The following CDH3 variants were observed in gnomAD, a reference collection of about 807,000 sequenced individuals.
CDH3 encodes cadherin-3.
CDH3 carries 54 observed loss-of-function variants against 82.0 expected under a neutral mutation model. That is an observed-to-expected ratio of 0.66 (90% CI 0.53 to 0.83). CDH3 has a LOEUF of 0.83. Ranked by LOEUF, CDH3 falls within the 40% of genes least tolerant of loss-of-function variation. The pLI is 0.00. For synonymous variants in CDH3, 446 were observed against 437.9 expected (o/e 1.02, Z -0.23); for missense variants, 1,054 against 1,084.6 (o/e 0.97, Z 0.40).
At chr16:68,653,470 C>T (rs1960309173) in intron 2 of CDH3, among the ~76,000 whole-genome samples, 2 of 152,040 alleles carry the variant, frequency 1.3e-5, no homozygotes, top group South Asian at 2.1e-4. Context: ...CTCCCGACCT[C>T]AGGTGATCCG....
At chr16:68,723,619 GCCT>G (rs1962186996) in intron 2 of CDH3, among the ~76,000 whole-genome samples, 1 of 152,142 alleles carries the variant, frequency 6.6e-6, no homozygotes, top group African/African-American at 2.4e-5. Context: ...CTATGTTCTG[GCCT>G]CCTCCTGGGA....
chr16:68,715,422 C>CAAAAAAAAAAAAAAA (rs71148937), intron 1 of CDH3, among the ~76,000 whole-genome samples: 3 of 141,774 alleles, frequency 2.1e-5, no homozygotes, highest in East Asian at 2.1e-4. Context: ...GCACGACTCT[C>CAAAAAAAAAAAAAAA]AAAAAAAAAA....
intron 2 of CDH3, among the ~76,000 whole-genome samples, chr16:68,665,201 G>A (rs62057760): frequency 0.18 from 26,731 of 151,902 alleles, 2,576 homozygotes; most frequent in Non-Finnish European, 0.22. Context: ...GAGGTCAGGA[G>A]ATTGAGACCA....
downstream of CDH3, among the ~76,000 whole-genome samples, chr16:68,703,814 G>A: frequency 6.6e-6 from 1 of 152,134 alleles, no homozygotes; most frequent in Non-Finnish European, 1.5e-5. Flanking sequence ...GGGCATGGTG[G>A]TGCGTGCCTG....
At chr16:68,666,497 C>T (rs972495207) in intron 2 of CDH3, among the ~76,000 whole-genome samples, 1 of 152,106 alleles carries the variant, frequency 6.6e-6, no homozygotes, top group Admixed American at 6.6e-5. Flanking sequence ...CTCTTGGGAT[C>T]CCAGCATGTG....
chr16:68,675,546 C>T (rs1961006530), intron 2 of CDH3, among the ~76,000 whole-genome samples: 1 of 152,140 alleles, frequency 6.6e-6, no homozygotes, highest in African/African-American at 2.4e-5. Flanking sequence ...CCTGTAATCC[C>T]AGCACTTTGG....
At chr16:68,715,433 G>A (rs191321053) in intron 1 of CDH3, among the ~76,000 whole-genome samples, 1,796 of 114,620 alleles carry the variant, frequency 0.016, 29 homozygotes, top group African/African-American at 0.044. Flanking sequence ...AAAAAAAAAA[G>A]AAAGGATTTG....
At position 68,645,448 on chromosome 16, in the gene CDH3, C is replaced by T. The variant is rs541837478; in HGVS notation, c.45+24C>T. On this transcript the variant is annotated intron_variant, in intron 1 of 15. Coordinates refer to ENST00000264012, the MANE Select transcript of CDH3 (RefSeq NM_001793.6). ...AGGTACTCCACAGCCTCGCCGTGGC[C>T]CCGACCGGGACCGCTCCCTGGGGGG... 4.3e-6 allele frequency: 7 copies of T among 1,611,766 alleles called. No homozygotes were observed. The South Asian group carries it at 5.5e-5, about 13-fold the overall frequency.
rs902743192 is a variant in CDH3, at chr16:68,678,617, G to A, written c.507G>A (p.Leu169=). 1.1e-5 allele frequency: 18 copies of A among 1,614,220 alleles called. No individual in the cohort carries two copies. The highest frequency in any genetic ancestry group is 1.5e-5 in the Non-Finnish European group (18 of 1,180,042). ...AVEKETGWLL[L]NKPLDREEIA... ...AGAAGGAGACAGGCTGGTTGTTGTT[G>A]AATAAGCCACTGGACCGGGAGGAGA... Residue 169 remains leucine (L), a synonymous_variant, in exon 5 of 16, where the codon TTG becomes TTA. Coordinates refer to ENST00000264012, the MANE Select transcript of CDH3 (RefSeq NM_001793.6).
rs146606249 is a variant in CDH3 at position 68,719,747 on chromosome 16, T to C, written c.100-2678T>C. 3.6e-3 allele frequency among the ~76,000 whole-genome samples: 550 copies of C among 152,130 alleles called. 2 individuals carry two copies. Among genetic ancestry groups the C allele is most frequent in the African/African-American group, 0.011 (454 of 41,524 alleles). Reference sequence around the variant, plus strand: ...AACTCCTGACCTCGTGATCCGCCCATCTTGGCCTCCCAAAGTGCTGGGATT... The same window carrying C: ...AACTCCTGACCTCGTGATCCGCCCACCTTGGCCTCCCAAAGTGCTGGGATT... On this transcript the variant is annotated intron_variant, in intron 1 of 2. Coordinates refer to the CDH3 transcript ENST00000569080.
At position 68,714,082 on chromosome 16, in the gene CDH3, C is replaced by T. The variant is rs563266452; in HGVS notation, c.100-8343C>T. Among the ~76,000 whole-genome samples, 27 of 152,074 alleles carry T rather than the reference C, an allele frequency of 1.8e-4. No individual in the cohort carries two copies. In the East Asian group the frequency reaches 3.1e-3, roughly 17 times the overall value. ...CCAAGTAGCTGGGATTACAGGTACA[C>T]GCTACCATGCCCAGCTAATTTTTAT... is the stretch of plus-strand genomic sequence containing the variant. On this transcript the variant is annotated intron_variant, in intron 1 of 2. Transcript: ENST00000569080.
chr16:68,725,182 G>A (rs1398281395), intron 2 of CDH3, among the ~76,000 whole-genome samples: 1 of 152,146 alleles, frequency 6.6e-6, no homozygotes, highest in African/African-American at 2.4e-5. Context: ...CACTTTCCAG[G>A]GGGCTTAACT....
chr16:68,701,160 G>C (rs1961887991), downstream of CDH3, among the ~76,000 whole-genome samples: 1 of 152,040 alleles, frequency 6.6e-6, no homozygotes, highest in Admixed American at 6.6e-5. Flanking sequence ...GAGATATTTG[G>C]AGGAAAAACA....
At chr16:68,731,033 AAAAAAAAAAAAAAAAT>A (rs1962276630), downstream of CDH3, among the ~76,000 whole-genome samples, 1 of 29,202 alleles carries the variant, frequency 3.4e-5, no homozygotes, top group Non-Finnish European at 1.0e-4. Flanking sequence ...AAAAAAAAAA[AAAAAAAAAAAAAAAAT>A]ATATATATAT....
chr16:68,671,752 C>T (rs1478483809), intron 2 of CDH3, among the ~76,000 whole-genome samples: 3 of 152,006 alleles, frequency 2.0e-5, no homozygotes, highest in Non-Finnish European at 2.9e-5. Context: ...AAACTCCTGA[C>T]CTCAGGTGAT....
At chr16:68,660,159 G>A (rs1207477889) in intron 2 of CDH3, among the ~76,000 whole-genome samples, 1 of 152,156 alleles carries the variant, frequency 6.6e-6, no homozygotes, top group African/African-American at 2.4e-5. Context: ...CGAGTGAACT[G>A]TTCATCTTAA....
chr16:68,726,147 C>A (rs754209830), intron 2 of CDH3, among the ~76,000 whole-genome samples: 5 of 152,198 alleles, frequency 3.3e-5, no homozygotes, highest in Admixed American at 6.6e-5. Flanking sequence ...TGGTCTTAAG[C>A]CAGAACACCA....
At chr16:68,651,015 G>A (rs539325498) in intron 2 of CDH3, 2 of 366,402 alleles carry the variant, frequency 5.5e-6, no homozygotes, top group East Asian at 1.5e-4. Flanking sequence ...GGGAGAGAGC[G>A]TGCTGGGAGC....
chr16:68,653,850 C>T lies in CDH3; in HGVS notation c.160+8100C>T, dbSNP rs148755578. On this transcript the variant is annotated intron_variant, in intron 2 of 15. Transcript: ENST00000264012. ...GACTACAGGCGCCCGCAACCACGCCCGGCTAATTTTTTGTATTTTTAATAG... is the reference window on the plus strand; with the variant it reads ...GACTACAGGCGCCCGCAACCACGCCTGGCTAATTTTTTGTATTTTTAATAG... 3.1e-3 allele frequency among the ~76,000 whole-genome samples: 463 copies of T among 151,632 alleles called. 11 individuals carry two copies. Among genetic ancestry groups the T allele is most frequent in the Admixed American group, 0.018 (267 of 15,210 alleles).
Sources: allele counts gnomAD v4.1 joint callset (sites outside exome capture counted in the v4.1 genomes callset), GRCh38; gene constraint gnomAD v4.1.1; transcripts MANE v1.5; gene names NCBI Gene and HGNC (gene_info 2026-07-23, HGNC 2026-07-21).